Variants in IL33 observed in about 807,000 individuals in gnomAD.
IL33 encodes the protein interleukin 33.
In IL33, 37 loss-of-function variants were observed where a neutral mutation model predicts 27.3. The observed-to-expected ratio is 1.36, with a 90% CI of 1.04 to 1.78. The LOEUF (loss-of-function observed/expected upper bound fraction) is 1.78. IL33 is among the 40% of genes most tolerant of loss of function. The pLI is 0.00. For missense variants in IL33, 406 were observed against 311.4 expected, an observed-to-expected ratio of 1.30 and a Z score of -2.29; for synonymous variants, 132 against 102.9, an observed-to-expected ratio of 1.28 and a Z score of -1.71.
At chr9:6,239,379 C>T (rs1351446371) in intron 1 of IL33, among the ~76,000 whole-genome samples, 1 of 152,080 alleles carries the variant, frequency 6.6e-6, no homozygotes, top group Non-Finnish European at 1.5e-5. Flanking sequence ...CCAACACGTG[C>T]ACAGTAAGGG....
rs529136935 is a variant in IL33 at position 6,231,972 on chromosome 9, G to A, written c.-11-9712G>A. On this transcript the variant is annotated intron_variant, in intron 1 of 7. Coordinates refer to ENST00000682010, the MANE Select transcript of IL33 (RefSeq NM_033439.4). Reference sequence around the variant, plus strand: ...CAGCATTGTAACAAGACTCATCACAGCAAATCAGTCTGATTAAATGAATTT... The same window carrying A: ...CAGCATTGTAACAAGACTCATCACAACAAATCAGTCTGATTAAATGAATTT... Among the ~76,000 whole-genome samples the A allele has an allele frequency of 3.9e-5, 6 of 152,250 alleles. No homozygotes were observed. In the East Asian group the frequency reaches 9.6e-4, roughly 24 times the overall value.
At chr9:6,215,611 T>C (rs1283903679), upstream of IL33, among the ~76,000 whole-genome samples, 1 of 152,194 alleles carries the variant, frequency 6.6e-6, no homozygotes, top group Admixed American at 6.5e-5. Context: ...TCATAATTGC[T>C]GGTTTAAAAT....
intron 5 of IL33, 121 bp from the exon 6 acceptor site, chr9:6,253,431 G>C (rs1424679900): frequency 3.5e-5 from 22 of 626,490 alleles, no homozygotes; most frequent in Non-Finnish European, 5.4e-5. Flanking sequence ...AACCACAAAA[G>C]ATTTGTTTTT....
At chr9:6,219,682 G>C (rs566877805) in intron 1 of IL33, among the ~76,000 whole-genome samples, 1 of 152,266 alleles carries the variant, frequency 6.6e-6, no homozygotes, top group South Asian at 2.1e-4. Flanking sequence ...ACTCAAGACA[G>C]GTGTTGTGAT....
chr9:6,254,328 T>C, intron 6 of IL33, 134 bp from the exon 7 acceptor site: 1 of 516,492 alleles, frequency 1.9e-6, no homozygotes, highest in Non-Finnish European at 3.4e-6. Flanking sequence ...TACAAATACT[T>C]CTAAGATACC....
chr9:6,250,859 G>GT (rs1231275784), intron 3 of IL33, among the ~76,000 whole-genome samples: 17 of 152,092 alleles, frequency 1.1e-4, no homozygotes, highest in Non-Finnish European at 1.8e-4. Flanking sequence ...ATTTTTAAGT[G>GT]TTTTTTTAAT....
chr9:6,247,911 TA>T (rs1819959530), intron 2 of IL33, among the ~76,000 whole-genome samples: 1 of 152,098 alleles, frequency 6.6e-6, no homozygotes, highest in South Asian at 2.1e-4. Flanking sequence ...TGTACATCTT[TA>T]ACTTTCTTAT....
intron 4 of IL33, among the ~76,000 whole-genome samples, chr9:6,252,454 T>A (rs988518967): frequency 1.3e-4 from 20 of 152,222 alleles, no homozygotes; most frequent in African/African-American, 4.8e-4. Flanking sequence ...TCCAGGACTG[T>A]CAGAAACTTC....
Position 6,250,454 on chromosome 9 carries a change from C to A in IL33, c.92-20C>A, listed in dbSNP as rs752665980. ...AGATGAATGGAATGAAACAGTCTCA[C>A]AAGTTTTTCAATTGTTTAGAATCCC... On this transcript the variant is annotated intron_variant, in intron 2 of 7. Coordinates refer to ENST00000682010, the MANE Select transcript of IL33 (RefSeq NM_033439.4). 6.2e-7 allele frequency: 1 copy of A among 1,609,486 alleles called. No homozygotes were observed. The highest frequency in any genetic ancestry group is 8.5e-7 in the Non-Finnish European group (1 of 1,178,072).
In IL33 at chr9:6,256,421, A is replaced by T; in HGVS notation, c.*253A>T. On this transcript the variant is annotated 3_prime_UTR_variant, in exon 8 of 8. Transcript: ENST00000682010. ...GGGTATTGGTAAAGAAACGGTCAAC[A>T]TTCTAAAGAGATACAGTCTGACCTT... 1 of 509,706 alleles carries T rather than the reference A, an allele frequency of 2.0e-6. No homozygotes were observed. The allele number at this position is 509,706 out of a possible 1,614,324, so 31.6% of individuals were successfully genotyped here.
chr9:6,250,941 T>C (rs925278449), intron 3 of IL33, among the ~76,000 whole-genome samples, 199 bp from the exon 4 acceptor site: 2 of 152,176 alleles, frequency 1.3e-5, no homozygotes, highest in African/African-American at 4.8e-5. Context: ...ACTAGTTTTC[T>C]TCCTCCTGAT....
chr9:6,232,872 C>G (rs1397578694), intron 1 of IL33, among the ~76,000 whole-genome samples: 1 of 152,206 alleles, frequency 6.6e-6, no homozygotes, highest in Non-Finnish European at 1.5e-5. Flanking sequence ...CCACCATCAT[C>G]ATCAGAACAT....
chr9:6,215,779 T>C (rs1389780281), upstream of IL33: 1 of 152,138 alleles, frequency 6.6e-6, no homozygotes, highest in Non-Finnish European at 1.5e-5. Context: ...CTTTGGCTAA[T>C]AAAAAGAGTC....
chr9:6,230,394 C>A (rs1818870452), intron 1 of IL33, among the ~76,000 whole-genome samples: 1 of 152,064 alleles, frequency 6.6e-6, no homozygotes, highest in Non-Finnish European at 1.5e-5. Context: ...GGGTAGGGGA[C>A]AGGAAGTGAT....
At chr9:6,252,319 T>C (rs1015993854) in intron 4 of IL33, among the ~76,000 whole-genome samples, 2 of 120,796 alleles carry the variant, frequency 1.7e-5, no homozygotes, top group African/African-American at 5.2e-5. Flanking sequence ...CCAGTTTACC[T>C]CAGCAGGCTA....
At chr9:6,239,491 C>T (rs1284389381) in intron 1 of IL33, among the ~76,000 whole-genome samples, 1 of 152,130 alleles carries the variant, frequency 6.6e-6, no homozygotes, top group Non-Finnish European at 1.5e-5. Flanking sequence ...AATGACACAC[C>T]TAGTCCTAAC....
chr9:6,228,865 C>T (rs1296032800), intron 1 of IL33, among the ~76,000 whole-genome samples: 1 of 147,448 alleles, frequency 6.8e-6, no homozygotes, highest in Non-Finnish European at 1.5e-5. Flanking sequence ...AAAAAATCAG[C>T]TTTCAGATAT....
chr9:6,254,872 G>A (rs1489431561), intron 7 of IL33, among the ~76,000 whole-genome samples: 1 of 152,068 alleles, frequency 6.6e-6, no homozygotes, highest in Non-Finnish European at 1.5e-5. Flanking sequence ...TAAATCTCCA[G>A]GAAATTCATA....
At chr9:6,220,005 T>C (rs1006144277) in intron 1 of IL33, among the ~76,000 whole-genome samples, 25 of 152,228 alleles carry the variant, frequency 1.6e-4, no homozygotes, top group Non-Finnish European at 2.9e-4. Flanking sequence ...ATTTTCTTAT[T>C]CAAAGTTTCC....
Sources: gnomAD v4.1 joint callset for allele counts (sites outside exome capture counted in the v4.1 genomes callset) on GRCh38, gnomAD v4.1.1 for gene constraint, MANE v1.5 for transcripts, NCBI Gene and HGNC (gene_info 2026-07-23, HGNC 2026-07-21) for gene names.